ACAD9: variants seen among roughly 807,000 people sequenced by gnomAD.
ACAD9 encodes the protein acyl-CoA dehydrogenase family member 9.
In ACAD9, 53 loss-of-function variants were observed where a neutral mutation model predicts 70.2. The observed-to-expected ratio is 0.75, with a 90% CI of 0.61 to 0.95. The LOEUF (loss-of-function observed/expected upper bound fraction) is 0.95, where lower values mean the gene tolerates loss of function less well. Among genes scored for constraint, ACAD9 ranks in the 40% least tolerant of loss-of-function variants. The pLI, the probability that ACAD9 is intolerant of heterozygous loss-of-function variation, is 0.00. For synonymous variants in ACAD9, 313 were observed against 312.1 expected, an observed-to-expected ratio of 1.00 and a Z score of -0.03; for missense variants, 777 against 802.8, an observed-to-expected ratio of 0.97 and a Z score of 0.39.
In ACAD9 at chr3:128,896,487, C is replaced by T; in HGVS notation, c.505C>T (p.Leu169=). The T allele has an allele frequency of 6.2e-7, 1 of 1,614,236 alleles. No homozygotes were observed. Residue 169 remains leucine (L), a synonymous_variant, in exon 5 of 18, where the codon CTG becomes TTG. Transcript: ENST00000308982. ...EEQKAKYLPK[L]ASGEHIAAFC... ...GCAGAAAGCCAAATACTTGCCTAAA[C>T]TGGCGTCCGGGGAGCACATTGCAGC... is the stretch of plus-strand genomic sequence containing the variant.
At chr3:128,905,765 C>T (rs1935867548) in intron 11 of ACAD9, among the ~76,000 whole-genome samples, 1 of 152,136 alleles carries the variant, frequency 6.6e-6, no homozygotes, top group African/African-American at 2.4e-5. Context: ...TGTTTGCCCC[C>T]AAGGCACTTA....
chr3:128,898,069 C>T (rs2107652693), intron 6 of ACAD9, among the ~76,000 whole-genome samples: 2 of 152,246 alleles, frequency 1.3e-5, no homozygotes, highest in South Asian at 4.1e-4. Context: ...GTTGTCCAGT[C>T]AGGTCTTGAA....
At chr3:128,891,172 A>C (rs62268189) in intron 2 of ACAD9, among the ~76,000 whole-genome samples, 1 of 152,084 alleles carries the variant, frequency 6.6e-6, no homozygotes, top group Non-Finnish European at 1.5e-5. Context: ...AGGATCTTGT[A>C]GTTACCCATG....
chr3:128,905,574 A>G (rs1935863672), intron 11 of ACAD9, among the ~76,000 whole-genome samples: 1 of 152,252 alleles, frequency 6.6e-6, no homozygotes, highest in South Asian at 2.1e-4. Flanking sequence ...AATTAAAAAC[A>G]AAAAGGCTGG....
At chr3:128,884,767 C>G in intron 2 of ACAD9, 21 bp downstream of exon 2, 2 of 1,557,188 alleles carry the variant, frequency 1.3e-6, no homozygotes, top group Non-Finnish European at 8.9e-7. Context: ...TTTTCTTTAC[C>G]ATTGCCGATT....
At chr3:128,894,872 ATTTT>A (rs138817276) in intron 3 of ACAD9, among the ~76,000 whole-genome samples, 34 of 105,396 alleles carry the variant, frequency 3.2e-4, no homozygotes, top group African/African-American at 1.3e-3. Flanking sequence ...CTGTATTGTG[ATTTT>A]TTTTTTTTTT....
intron 6 of ACAD9, chr3:128,898,533 G>A: frequency 5.3e-6 from 2 of 380,788 alleles, no homozygotes; most frequent in African/African-American, 2.3e-5. Flanking sequence ...AACCTCCCAA[G>A]CAGCTGGGAG....
rs537932682 is a variant in ACAD9, at chr3:128,900,878, A to C, written c.809-398A>C. Among the ~76,000 whole-genome samples, 3 of 152,190 alleles carry C rather than the reference A, an allele frequency of 2.0e-5. No homozygotes were observed. In the South Asian group the frequency reaches 6.2e-4, roughly 32 times the overall value. On this transcript the variant is annotated intron_variant, in intron 7 of 17. Coordinates refer to ENST00000308982, the MANE Select transcript of ACAD9 (RefSeq NM_014049.5). ...CCAGTCTACCCTAAGGCTTCAGGAA[A>C]TGCTGTTCTTTCCCTCACTTTGCTT...
intron 2 of ACAD9, among the ~76,000 whole-genome samples, chr3:128,893,030 A>C (rs909624291): frequency 6.6e-6 from 1 of 152,000 alleles, no homozygotes; most frequent in Admixed American, 6.6e-5. Flanking sequence ...ATAGAACACC[A>C]CCTAGCTCTG....
rs114763241 is a variant in ACAD9 at position 128,912,938 on chromosome 3, T to G, written c.*331T>G. On this transcript the variant is annotated 3_prime_UTR_variant, in exon 18 of 18. Transcript: ENST00000308982. ...ATGCTGCTGCCTCCAGGGTGTGAGG[T>G]GGGTGGGGACCTGTGTCAGGTGTGG... The G allele has an allele frequency of 3.9e-3, 2,009 of 521,490 alleles. 25 individuals carry two copies. Among genetic ancestry groups the G allele is most frequent in the African/African-American group, 0.034 (1,804 of 52,644 alleles). The allele number at this position is 521,490 out of a possible 1,614,324, so 32.3% of individuals were successfully genotyped here.
chr3:128,889,546 GT>G (rs1208617374), intron 2 of ACAD9, among the ~76,000 whole-genome samples: 3 of 151,658 alleles, frequency 2.0e-5, no homozygotes, highest in African/African-American at 7.3e-5. Context: ...TTTCCCCCCT[GT>G]TTCCAGGCAA....
rs781465491 is a variant in ACAD9, at chr3:128,910,152, G to GAGCCC, written c.1692+13_1692+17dup. On this transcript the variant is annotated splice_donor_region_variant and intron_variant, in intron 16 of 17. Coordinates refer to ENST00000308982, the MANE Select transcript of ACAD9 (RefSeq NM_014049.5). ...GGCTCCGCAACCACGACCACGAGGTGAGCCCAGCCCAGCCTCACACAGGGC... is the reference window on the plus strand; with the variant it reads ...GGCTCCGCAACCACGACCACGAGGTGAGCCCAGCCCAGCCCAGCCTCACACAGGGC... 3 of 1,614,034 alleles carry GAGCCC rather than the reference G, an allele frequency of 1.9e-6. No homozygotes were observed. The highest frequency in any genetic ancestry group is 4.5e-5 in the East Asian group (2 of 44,884).
chr3:128,893,072 G>A (rs753410055), intron 2 of ACAD9, among the ~76,000 whole-genome samples: 10 of 152,040 alleles, frequency 6.6e-5, no homozygotes, highest in Non-Finnish European at 8.8e-5. Context: ...CTGGCCGGGC[G>A]TGGTGGCTCA....
Position 128,909,059 on chromosome 3 carries a change from G to A in ACAD9, c.1445G>A (p.Gly482Glu). ...TCCCTGGGCCGAACTGTGGACCTGG[G>A]GCTGACAGGCAACCATGGAGTTGTG... The part of the protein sequence containing the change: ...RDSLGRTVDL[G>E]LTGNHGVVHP... The change falls in exon 14 of 18, where the codon GGG becomes GAG. Residue 482 changes from glycine (G) to glutamate (E), a missense_variant. Transcript: ENST00000308982. The A allele has an allele frequency of 6.2e-7, 1 of 1,614,130 alleles. No individual in the cohort carries two copies.
chr3:128,894,472 GAA>G (rs1472492571), intron 3 of ACAD9, among the ~76,000 whole-genome samples: 1 of 151,058 alleles, frequency 6.6e-6, no homozygotes, highest in Non-Finnish European at 1.5e-5. Flanking sequence ...TGTATGCCTA[GAA>G]AAAGTGTGGA....
Position 128,879,660 on chromosome 3 carries a change from A to ACTGAGG in ACAD9, c.-22_-17dup, listed in dbSNP as rs749843455. On this transcript the variant is annotated 5_prime_UTR_variant, in exon 1 of 18. Transcript: ENST00000308982. ...GTCCCTGCGGCGCTAAGAAGGGGAG[A>ACTGAGG]CTGAGGCTGAGGCTGGGGAACATCG... is the stretch of plus-strand genomic sequence containing the variant. The ACTGAGG allele has an allele frequency of 5.0e-6, 8 of 1,610,828 alleles. No homozygotes were observed. The highest frequency in any genetic ancestry group is 4.0e-5 in the African/African-American group (3 of 74,720).
At chr3:128,882,758 A>G (rs1355465120) in intron 1 of ACAD9, among the ~76,000 whole-genome samples, 3 of 152,230 alleles carry the variant, frequency 2.0e-5, no homozygotes, top group Non-Finnish European at 4.4e-5. Context: ...TTTGAATAAC[A>G]GGTTCCACTT....
intron 16 of ACAD9, 146 bp downstream of exon 16, chr3:128,910,295 C>A: frequency 6.6e-7 from 1 of 1,507,384 alleles, no homozygotes; most frequent in South Asian, 1.3e-5. Flanking sequence ...AGGGTCTGTG[C>A]TGCTCAGGAG....
At chr3:128,898,296 C>T in intron 6 of ACAD9, 1 of 382,088 alleles carries the variant, frequency 2.6e-6, no homozygotes, top group South Asian at 2.0e-5. Flanking sequence ...CTCCAGATCG[C>T]ATGGTAACAA....
Sources: gnomAD v4.1 joint callset for allele counts (sites outside exome capture counted in the v4.1 genomes callset) on GRCh38, gnomAD v4.1.1 for gene constraint, MANE v1.5 for transcripts, NCBI Gene and HGNC (gene_info 2026-07-23, HGNC 2026-07-21) for gene names.